The following NR3C1 variants were observed in gnomAD, a reference collection of about 807,000 sequenced individuals.
The protein encoded by NR3C1 is nuclear receptor subfamily 3 group C member 1, also known as glucocorticoid receptor.
A neutral mutation model predicts 74.0 loss-of-function variants in NR3C1; 14 were observed. The observed-to-expected ratio is 0.19, with a 90% CI of 0.12 to 0.30. NR3C1 has a LOEUF of 0.30. Ranked by LOEUF, NR3C1 falls within the 10% of genes least tolerant of loss-of-function variation. NR3C1 has a pLI of 1.00. For missense variants in NR3C1, 695 were observed against 909.8 expected, an observed-to-expected ratio of 0.76 and a Z score of 3.04; for synonymous variants, 308 against 332.5, an observed-to-expected ratio of 0.93 and a Z score of 0.80.
chr5:143,373,621 A>G (rs543857753), intron 2 of NR3C1, among the ~76,000 whole-genome samples: 3 of 152,348 alleles, frequency 2.0e-5, no homozygotes, highest in African/African-American at 7.2e-5. Flanking sequence ...TATAAAAAAA[A>G]AAGACTACAT....
rs1840061926 is a variant in NR3C1 at position 143,400,481 on chromosome 5, T to C, written c.359A>G (p.Lys120Arg). The change falls in exon 2 of 9, where the codon AAG (lysine) becomes AGG (arginine). Residue 120 changes from lysine to arginine, a missense_variant. Physicochemically the swap from Lys to Arg is conservative, Grantham distance 26. Around this residue, in one of 4 missense-constraint regions of NR3C1, gnomAD observed 497 missense variants for 489.5 expected, o/e 1.02. Transcript: ENST00000394464. ...ISLSSGETDL[K>R]LLEESIANLN... is the part of the protein sequence containing the mutation. ...GTTTGCAATGCTTTCTTCCAAAAGC[T>C]TTAAGTCTGTTTCCCCCGAGGAAAG... 1 of 1,614,110 alleles carries C rather than the reference T, an allele frequency of 6.2e-7. No homozygotes were observed. The highest frequency in any genetic ancestry group is 8.5e-7 in the Non-Finnish European group (1 of 1,180,036).
intron 1 of NR3C1, among the ~76,000 whole-genome samples, chr5:143,426,865 C>T (rs1030079465): frequency 6.6e-6 from 1 of 152,180 alleles, no homozygotes; most frequent in South Asian, 2.1e-4. Flanking sequence ...AGTGTGTCTC[C>T]TGGTGAAGAG....
chr5:143,283,537 A>G (rs1371607832), intron 7 of NR3C1, among the ~76,000 whole-genome samples: 1 of 152,256 alleles, frequency 6.6e-6, no homozygotes, highest in Non-Finnish European at 1.5e-5. Context: ...CAGCAATTAT[A>G]TCTTGGAATA....
intron 1 of NR3C1, 32 bp downstream of exon 1, chr5:143,403,179 G>A (rs949052890): frequency 2.0e-6 from 2 of 984,142 alleles, no homozygotes; most frequent in Admixed American, 6.2e-5. Flanking sequence ...GGGAGCGAGC[G>A]CGCCCCGGCC....
intron 2 of NR3C1, among the ~76,000 whole-genome samples, chr5:143,317,951 T>G (rs963038019): frequency 4.6e-5 from 7 of 152,164 alleles, no homozygotes; most frequent in Admixed American, 2.6e-4. Flanking sequence ...CAGCTTTACA[T>G]ACAGACAAAT....
chr5:143,339,752 G>A (rs1231134044), intron 2 of NR3C1, among the ~76,000 whole-genome samples: 8 of 152,120 alleles, frequency 5.3e-5, no homozygotes, highest in Non-Finnish European at 1.5e-5. Flanking sequence ...AAGGATTCCA[G>A]ACACAGCTGA....
chr5:143,353,458 T>A (rs982702622), intron 2 of NR3C1, among the ~76,000 whole-genome samples: 1 of 152,186 alleles, frequency 6.6e-6, no homozygotes, highest in Non-Finnish European at 1.5e-5. Context: ...CTATAGCAGC[T>A]ATAGCCTTAC....
At chr5:143,322,648 A>G (rs931668057) in intron 2 of NR3C1, among the ~76,000 whole-genome samples, 1 of 152,248 alleles carries the variant, frequency 6.6e-6, no homozygotes, top group Non-Finnish European at 1.5e-5. Flanking sequence ...AATCCTAAAA[A>G]GACATTTATA....
chr5:143,301,146 C>G (rs763446306), intron 4 of NR3C1, among the ~76,000 whole-genome samples: 29 of 151,816 alleles, frequency 1.9e-4, no homozygotes, highest in Non-Finnish European at 3.5e-4. Flanking sequence ...AGGCAAATTA[C>G]TCTTACTATA....
chr5:143,372,974 T>A (rs1834483347), intron 2 of NR3C1, among the ~76,000 whole-genome samples: 2 of 151,882 alleles, frequency 1.3e-5, no homozygotes, highest in Admixed American at 1.3e-4. Flanking sequence ...AAGCAAAAAA[T>A]AAAAACAAAA....
At chr5:143,296,557 A>G (rs956950589) in intron 6 of NR3C1, among the ~76,000 whole-genome samples, 3 of 152,116 alleles carry the variant, frequency 2.0e-5, no homozygotes, top group African/African-American at 7.2e-5. Context: ...TATAACTGAA[A>G]ATTTCAACAA....
intron 2 of NR3C1, among the ~76,000 whole-genome samples, chr5:143,392,782 T>C (rs1561760784): frequency 6.6e-6 from 1 of 152,192 alleles, no homozygotes; most frequent in Non-Finnish European, 1.5e-5. Flanking sequence ...ATACAGACAC[T>C]GTATATTTTA....
intron 2 of NR3C1, among the ~76,000 whole-genome samples, chr5:143,395,610 C>G (rs755588004): frequency 6.6e-6 from 1 of 151,698 alleles, no homozygotes; most frequent in African/African-American, 2.4e-5. Context: ...TTAATTTGCC[C>G]ACCTAAGTAC....
At chr5:143,421,186 T>A (rs1751211882) in intron 1 of NR3C1, among the ~76,000 whole-genome samples, 1 of 152,188 alleles carries the variant, frequency 6.6e-6, no homozygotes, top group Non-Finnish European at 1.5e-5. Context: ...ATGGCTCCTG[T>A]AGCCTCTGGA....
chr5:143,368,091 A>G (rs1156533292), intron 2 of NR3C1, among the ~76,000 whole-genome samples: 4 of 152,332 alleles, frequency 2.6e-5, no homozygotes, highest in Middle Eastern at 6.8e-3. Flanking sequence ...AAGCCTATAT[A>G]TTTATGGTCA....
intron 8 of NR3C1, 36 bp downstream of exon 8, chr5:143,282,531 GA>G (rs1265484583): frequency 5.6e-6 from 9 of 1,612,452 alleles, no homozygotes; most frequent in Non-Finnish European, 7.6e-6. Flanking sequence ...CTTTGTCCCA[GA>G]AAACTCTTAT....
intron 2 of NR3C1, among the ~76,000 whole-genome samples, chr5:143,323,940 A>T (rs1350628034): frequency 2.0e-5 from 3 of 152,220 alleles, no homozygotes; most frequent in African/African-American, 2.4e-5. Flanking sequence ...TCCAGGTCTC[A>T]TATCCAGGTC....
intron 4 of NR3C1, among the ~76,000 whole-genome samples, chr5:143,305,786 G>T (rs1367024272): frequency 1.3e-5 from 2 of 152,162 alleles, no homozygotes; most frequent in African/African-American, 4.8e-5. Context: ...TAGGTACTGT[G>T]CTTACTTCCT....
At chr5:143,431,516 G>A (rs977945362) in intron 1 of NR3C1, among the ~76,000 whole-genome samples, 1 of 152,066 alleles carries the variant, frequency 6.6e-6, no homozygotes, top group Non-Finnish European at 1.5e-5. Context: ...GGTAAGGGGA[G>A]GGAGAGCATC....
Sources: gnomAD v4.1 joint callset for allele counts (sites outside exome capture counted in the v4.1 genomes callset) on GRCh38, gnomAD v4.1.1 for gene constraint, gnomAD v4.1.1 regional missense constraint, MANE v1.5 for transcripts, NCBI Gene and HGNC (gene_info 2026-07-23, HGNC 2026-07-21) for gene names.